Variants in MYO16 observed in about 807,000 individuals in gnomAD.
MYO16 encodes myosin XVI.
A neutral mutation model predicts 205.3 loss-of-function variants in MYO16; 94 were observed. The ratio of observed to expected loss-of-function variants is 0.46; its 90% CI spans 0.39 to 0.54. MYO16 has a LOEUF of 0.54. Among genes scored for constraint, MYO16 ranks in the 20% least tolerant of loss-of-function variants. MYO16 has a pLI of 0.00. For synonymous variants in MYO16, 988 were observed against 954.0 expected, an observed-to-expected ratio of 1.04 and a Z score of -0.66; for missense variants, 2,315 against 2,387.5, an observed-to-expected ratio of 0.97 and a Z score of 0.63.
intron 22 of MYO16, among the ~76,000 whole-genome samples, chr13:109,010,236 A>G (rs551887597): frequency 1.1e-4 from 16 of 152,262 alleles, no homozygotes; most frequent in Admixed American, 2.6e-4. Flanking sequence ...GTTACTACTA[A>G]AGGAATTGGA....
chr13:108,852,714 G>A lies in MYO16; in HGVS notation c.1249-2729G>A, dbSNP rs9583306. Among the ~76,000 whole-genome samples the A allele has an allele frequency of 7.0e-3, 1,062 of 152,212 alleles. 16 individuals carry two copies. Among genetic ancestry groups the A allele is most frequent in the African/African-American group, 0.022 (933 of 41,522 alleles). ...GCTGGTAGGAAGTTACATGGTCTCCGTGGCCCCTACATGTGTTACTAAGGG... is the reference window on the plus strand; with the variant it reads ...GCTGGTAGGAAGTTACATGGTCTCCATGGCCCCTACATGTGTTACTAAGGG... On this transcript the variant is annotated intron_variant, in intron 10 of 34. Transcript: ENST00000457511.
chr13:109,142,781 G>A (rs1035464844), intron 32 of MYO16, among the ~76,000 whole-genome samples: 2 of 152,126 alleles, frequency 1.3e-5, no homozygotes, highest in African/African-American at 4.8e-5. Context: ...TGGCCAATGG[G>A]AAACCTCTAG....
At chr13:108,624,524 T>C (rs1362807289) in intron 1 of MYO16, among the ~76,000 whole-genome samples, 1 of 152,190 alleles carries the variant, frequency 6.6e-6, no homozygotes, top group Non-Finnish European at 1.5e-5. Flanking sequence ...TATGCAAACT[T>C]TTGTCCAAGG....
intron 12 of MYO16, among the ~76,000 whole-genome samples, chr13:108,874,502 C>A (rs186298142): frequency 6.6e-6 from 1 of 152,018 alleles, no homozygotes; most frequent in Non-Finnish European, 1.5e-5. Flanking sequence ...GCAAGCAAAT[C>A]AGTATAAGAA....
At chr13:108,637,811 G>A (rs146250776) in intron 1 of MYO16, among the ~76,000 whole-genome samples, 83 of 152,206 alleles carry the variant, frequency 5.5e-4, no homozygotes, top group African/African-American at 1.9e-3. Context: ...GGAGGTAAAT[G>A]TGGCAGTGAG....
intron 20 of MYO16, among the ~76,000 whole-genome samples, chr13:108,971,725 A>T (rs940349457): frequency 1.3e-5 from 2 of 152,152 alleles, no homozygotes; most frequent in Admixed American, 6.5e-5. Context: ...ACATTTAAAA[A>T]TATTATGATT....
At chr13:108,658,560 T>A (rs952310153) in intron 1 of MYO16, among the ~76,000 whole-genome samples, 2 of 152,144 alleles carry the variant, frequency 1.3e-5, no homozygotes, top group African/African-American at 4.8e-5. Flanking sequence ...TGAATTGCTT[T>A]AGTTTTATCC....
chr13:108,929,553 A>G lies in MYO16; in HGVS notation c.1925+19403A>G, dbSNP rs137896486. Among the ~76,000 whole-genome samples the G allele has an allele frequency of 3.8e-4, 58 of 152,358 alleles. 1 individual carries two copies. The East Asian group carries it at 0.011, about 28-fold the overall frequency. On this transcript the variant is annotated intron_variant, in intron 16 of 34. Transcript: ENST00000457511. ...AAATGTGCATAACACACCATCATAC[A>G]TATGATAGTTGATCTTACTCCACGG...
chr13:108,907,185 T>C (rs1881026599), intron 15 of MYO16, among the ~76,000 whole-genome samples: 1 of 152,196 alleles, frequency 6.6e-6, no homozygotes, highest in African/African-American at 2.4e-5. Flanking sequence ...GAGCAAAGTT[T>C]ATTTCCACCA....
chr13:109,201,438 T>C (rs1880386300), intron 34 of MYO16: 1 of 148,930 alleles, frequency 6.7e-6, no homozygotes. Context: ...ATTCCAGTGT[T>C]GTTAATTCCC....
intron 3 of MYO16, among the ~76,000 whole-genome samples, chr13:108,726,037 T>G (rs1884324387): frequency 6.6e-6 from 1 of 152,220 alleles, no homozygotes; most frequent in African/African-American, 2.4e-5. Context: ...GATTTGTTTT[T>G]AATGGTACTA....
At chr13:108,768,814 G>T (rs988936488) in intron 4 of MYO16, among the ~76,000 whole-genome samples, 5 of 152,052 alleles carry the variant, frequency 3.3e-5, no homozygotes, top group Admixed American at 2.0e-4. Context: ...GCTTAAAATT[G>T]ACAAGTACTT....
intron 10 of MYO16, among the ~76,000 whole-genome samples, chr13:108,851,956 G>A (rs917560694): frequency 1.6e-4 from 24 of 151,878 alleles, no homozygotes. Context: ...CCTCCTCCAC[G>A]CCAGGGCATG....
chr13:108,963,238 C>T (rs1223628757), intron 19 of MYO16, among the ~76,000 whole-genome samples: 2 of 152,116 alleles, frequency 1.3e-5, no homozygotes, highest in South Asian at 2.1e-4. Context: ...TTCTCTAAAT[C>T]GCTACTATTC....
In MYO16 at chr13:108,890,913, A is replaced by G. The variant is rs144857861; in HGVS notation, c.1659+2436A>G. Among the ~76,000 whole-genome samples, 289 of 152,274 alleles carry G rather than the reference A, an allele frequency of 1.9e-3. 1 individual carries two copies. The highest frequency in any genetic ancestry group is 6.5e-3 in the African/African-American group (272 of 41,552). On this transcript the variant is annotated intron_variant, in intron 14 of 34. Coordinates refer to ENST00000457511, the MANE Select transcript of MYO16 (RefSeq NM_001198950.3). ...CTCTCTGCTGAAGCCACCTTTGAGC[A>G]TGTATCTCTCTCAGCCTGGCCCGTG...
At chr13:109,038,591 G>A (rs139333644) in intron 23 of MYO16, among the ~76,000 whole-genome samples, 199 of 151,994 alleles carry the variant, frequency 1.3e-3, no homozygotes, top group African/African-American at 4.4e-3. Flanking sequence ...ATAATTATGT[G>A]AGCCAATAAC....
chr13:108,741,114 C>G (rs1223854133), intron 4 of MYO16, among the ~76,000 whole-genome samples: 1 of 152,152 alleles, frequency 6.6e-6, no homozygotes, highest in South Asian at 2.1e-4. Flanking sequence ...TGCTTCAGCT[C>G]TTACTCGGTG....
At chr13:109,071,429 A>G (rs1262904489) in intron 27 of MYO16, among the ~76,000 whole-genome samples, 1 of 152,174 alleles carries the variant, frequency 6.6e-6, no homozygotes, top group Non-Finnish European at 1.5e-5. Flanking sequence ...AAAATACTTT[A>G]ATAGGAAATA....
chr13:108,980,758 G>A (rs1414688076), intron 20 of MYO16, among the ~76,000 whole-genome samples: 2 of 152,196 alleles, frequency 1.3e-5, no homozygotes, highest in African/African-American at 2.4e-5. Context: ...ATCTTTATGT[G>A]TGGAGGTGTG....
Sources: gnomAD v4.1 joint callset for allele counts (sites outside exome capture counted in the v4.1 genomes callset) on GRCh38, gnomAD v4.1.1 for gene constraint, MANE v1.5 for transcripts, NCBI Gene and HGNC (gene_info 2026-07-23, HGNC 2026-07-21) for gene names.